NAA30: variants seen among roughly 807,000 people sequenced by gnomAD.
NAA30 encodes the protein N-alpha-acetyltransferase 30, NatC catalytic subunit.
NAA30 carries 5 observed loss-of-function variants against 31.4 expected under a neutral mutation model. That is an observed-to-expected ratio of 0.16 (90% CI 0.08 to 0.33). The LOEUF (loss-of-function observed/expected upper bound fraction) is 0.33. NAA30 is among the 10% of genes least tolerant of loss of function. The pLI is 1.00. For synonymous variants in NAA30, 222 were observed against 207.1 expected (o/e 1.07, Z -0.62); for missense variants, 428 against 490.8 (o/e 0.87, Z 1.21).
At chr14:57,408,708 T>C (rs1339137098) in intron 4 of NAA30, among the ~76,000 whole-genome samples, 1 of 152,200 alleles carries the variant, frequency 6.6e-6, no homozygotes, top group East Asian at 1.9e-4. Flanking sequence ...CAGCAAACTT[T>C]CTTGGTAAAA....
At position 57,413,911 on chromosome 14, in the gene NAA30, T is replaced by C. The variant is rs969563924; in HGVS notation, c.*4395T>C. 6 of 152,254 alleles carry C rather than the reference T, an allele frequency of 3.9e-5. No individual in the cohort carries two copies. Among genetic ancestry groups the C allele is most frequent in the African/African-American group, 1.4e-4 (6 of 41,454 alleles). 9.4% of individuals were successfully genotyped at this position (152,254 alleles called of 1,614,324 possible). A position where few individuals can be genotyped will look rare whatever the true frequency, so the allele number is the denominator to read the frequency against. ...GTCACACTTTATATAAGGATAGATG[T>C]GTCCTTTTCACTCCCCAGTATGGTA... On this transcript the variant is annotated 3_prime_UTR_variant, in exon 5 of 5. Transcript: ENST00000556492.
intron 4 of NAA30, 121 bp downstream of exon 4, chr14:57,400,004 G>T: frequency 2.0e-6 from 1 of 488,122 alleles, no homozygotes; most frequent in Non-Finnish European, 3.6e-6. Context: ...AATGCAGCTT[G>T]TGGGGAAAAT....
chr14:57,406,696 T>A (rs2066499499), intron 4 of NAA30, among the ~76,000 whole-genome samples: 1 of 152,214 alleles, frequency 6.6e-6, no homozygotes, highest in Non-Finnish European at 1.5e-5. Context: ...TGTTGTGACT[T>A]TAGTGTTTCT....
Position 57,391,179 on chromosome 14 carries a change from C to T in NAA30, c.222C>T (p.Cys74=), listed in dbSNP as rs1337472857. ...CCAAGGGGCATCCGTGCCTCCGCTG[C>T]CCTCAGCCGCCGCAGGAGCAGCAGC... The part of the protein sequence containing the change: ...VAAKGHPCLR[C]PQPPQEQQQL... The change falls in exon 2 of 5, where the codon TGC becomes TGT. Residue 74 remains cysteine (C), a synonymous_variant. Coordinates refer to ENST00000556492, the MANE Select transcript of NAA30 (RefSeq NM_001011713.3). This position sits in a 1 kb window ranked among gnomAD's most constrained non-coding sequence, Gnocchi z 4.1. 9.3e-6 allele frequency: 15 copies of T among 1,610,058 alleles called. No individual in the cohort carries two copies. Among genetic ancestry groups the T allele is most frequent in the African/African-American group, 1.3e-5 (1 of 74,906 alleles).
intron 4 of NAA30, among the ~76,000 whole-genome samples, chr14:57,402,520 G>T (rs1273912323): frequency 1.3e-5 from 2 of 152,056 alleles, no homozygotes; most frequent in African/African-American, 4.8e-5. Context: ...TTATTAACTT[G>T]TCTTTCTCTC....
At chr14:57,405,323 A>G (rs1594753064) in intron 4 of NAA30, among the ~76,000 whole-genome samples, 3 of 152,032 alleles carry the variant, frequency 2.0e-5, no homozygotes, top group Admixed American at 2.0e-4. Context: ...GAAAAGGTAC[A>G]GTCATTCTTT....
At position 57,414,244 on chromosome 14, in the gene NAA30, TAACAC is replaced by T. The variant is rs1461917971; in HGVS notation, c.*4732_*4736del. The T allele has an allele frequency of 6.6e-6, 1 of 152,208 alleles. No homozygotes were observed. Among genetic ancestry groups the T allele is most frequent in the Non-Finnish European group, 1.5e-5 (1 of 68,038 alleles). 9.4% of individuals were successfully genotyped at this position (152,208 alleles called of 1,614,324 possible). A position where few individuals can be genotyped will look rare whatever the true frequency, so the allele number is the denominator to read the frequency against. ...ACTGTTTCTGAAAAATCTTTTAAAATAACACAACTAAAAATTACCTCTGAGCAAGA... is the reference window on the plus strand; with the variant it reads ...ACTGTTTCTGAAAAATCTTTTAAAATAACTAAAAATTACCTCTGAGCAAGA... On this transcript the variant is annotated 3_prime_UTR_variant, in exon 5 of 5. Transcript: ENST00000556492.
intron 4 of NAA30, among the ~76,000 whole-genome samples, chr14:57,400,654 A>G (rs1362021560): frequency 6.6e-6 from 1 of 152,220 alleles, no homozygotes; most frequent in Non-Finnish European, 1.5e-5. Flanking sequence ...TTCTCAAAAT[A>G]TGTGAAATTG....
In NAA30 at chr14:57,412,008, C is replaced by T. The variant is rs2066525496; in HGVS notation, c.*2492C>T. ...TAGGACTGACTGTACTATCCACTGACACTGGTTTGGCAGTTGGTACTGCTG... is the reference window on the plus strand; with the variant it reads ...TAGGACTGACTGTACTATCCACTGATACTGGTTTGGCAGTTGGTACTGCTG... On this transcript the variant is annotated 3_prime_UTR_variant, in exon 5 of 5. Coordinates refer to ENST00000556492, the MANE Select transcript of NAA30 (RefSeq NM_001011713.3). 1 of 152,134 alleles carries T rather than the reference C, an allele frequency of 6.6e-6. No individual in the cohort carries two copies. Among genetic ancestry groups the T allele is most frequent in the Non-Finnish European group, 1.5e-5 (1 of 68,000 alleles). The allele number at this position is 152,134 out of a possible 1,614,324, so 9.4% of individuals were successfully genotyped here. A position where few individuals can be genotyped will look rare whatever the true frequency, so the allele number is the denominator to read the frequency against.
At chr14:57,408,705 C>A (rs1315949676) in intron 4 of NAA30, among the ~76,000 whole-genome samples, 1 of 152,174 alleles carries the variant, frequency 6.6e-6, no homozygotes, top group East Asian at 1.9e-4. Context: ...ATTCAGCAAA[C>A]TTTCTTGGTA....
rs2066430076 is a variant in NAA30 at position 57,391,969 on chromosome 14, C to T, written c.771+241C>T. 6.6e-6 allele frequency among the ~76,000 whole-genome samples: 1 copy of T among 152,036 alleles called. No homozygotes were observed. The highest frequency in any genetic ancestry group is 1.5e-5 in the Non-Finnish European group (1 of 67,926). On this transcript the variant is annotated intron_variant, in intron 2 of 4. Coordinates refer to ENST00000556492, the MANE Select transcript of NAA30 (RefSeq NM_001011713.3). The surrounding 1 kb of genome is among the most constrained non-coding windows in gnomAD (Gnocchi z 4.1). ...AGCAAGCCTGTATGGTGGCGTGTTTCACTGGGGTGGGGGTCTTGTGTCTTG... is the reference window on the plus strand; with the variant it reads ...AGCAAGCCTGTATGGTGGCGTGTTTTACTGGGGTGGGGGTCTTGTGTCTTG...
chr14:57,395,909 C>G (rs996159409), intron 2 of NAA30, among the ~76,000 whole-genome samples: 3 of 152,086 alleles, frequency 2.0e-5, no homozygotes, highest in Non-Finnish European at 2.9e-5. Flanking sequence ...TGATCGAAAT[C>G]TACCATTCAG....
intron 2 of NAA30, among the ~76,000 whole-genome samples, chr14:57,392,103 A>C (rs1249111046): frequency 6.6e-6 from 1 of 152,234 alleles, no homozygotes; most frequent in Non-Finnish European, 1.5e-5. Flanking sequence ...TACAGGCCTT[A>C]TTAGTCTCTC....
Position 57,410,007 on chromosome 14 carries a change from C to A in NAA30, c.*491C>A, listed in dbSNP as rs1418846572. 1.3e-5 allele frequency: 2 copies of A among 152,402 alleles called. No individual in the cohort carries two copies. The highest frequency in any genetic ancestry group is 6.6e-5 in the Admixed American group (1 of 15,234). 9.4% of individuals were successfully genotyped at this position (152,402 alleles called of 1,614,324 possible). On this transcript the variant is annotated 3_prime_UTR_variant, in exon 5 of 5. Transcript: ENST00000556492. ...AATTTTCCATTCTTGAATATTGGTA[C>A]CTCAGTGATTAGTGAATGAAAAAAA...
intron 2 of NAA30, 48 bp from the exon 3 acceptor site, chr14:57,396,703 CA>C: frequency 6.2e-7 from 1 of 1,603,672 alleles, no homozygotes; most frequent in South Asian, 1.1e-5. Context: ...GATAATTGTG[CA>C]GTACCTGATG....
chr14:57,392,894 A>C (rs2066436025), intron 2 of NAA30, among the ~76,000 whole-genome samples: 1 of 152,184 alleles, frequency 6.6e-6, no homozygotes, highest in South Asian at 2.1e-4. Context: ...TTCTGTCTTA[A>C]CTTGCTTAAA....
intron 2 of NAA30, among the ~76,000 whole-genome samples, chr14:57,394,573 A>T (rs556383495): frequency 6.6e-6 from 1 of 152,256 alleles, no homozygotes; most frequent in East Asian, 1.9e-4. Flanking sequence ...AAAATGCAGC[A>T]TTGGTCTTCA....
In NAA30 at chr14:57,391,786, A is replaced by G; in HGVS notation, c.771+58A>G. On this transcript the variant is annotated intron_variant, in intron 2 of 4. Coordinates refer to ENST00000556492, the MANE Select transcript of NAA30 (RefSeq NM_001011713.3). This position sits in a 1 kb window ranked among gnomAD's most constrained non-coding sequence, Gnocchi z 4.1. ...AGCAGTGATCGAGACTGTGCGGGGC[A>G]GGGAGTGAGGGCCCAGAATGTGGCA... The G allele has an allele frequency of 7.2e-7, 1 of 1,390,058 alleles. No homozygotes were observed. Among genetic ancestry groups the G allele is most frequent in the South Asian group, 1.3e-5 (1 of 74,250 alleles). The allele number at this position is 1,390,058 out of a possible 1,614,324, so 86.1% of individuals were successfully genotyped here.
At chr14:57,404,119 A>C (rs1229336837) in intron 4 of NAA30, among the ~76,000 whole-genome samples, 1 of 152,170 alleles carries the variant, frequency 6.6e-6, no homozygotes, top group Non-Finnish European at 1.5e-5. Flanking sequence ...CAGGAGTTCG[A>C]GACCAGCCTG....
Sources: allele counts gnomAD v4.1 joint callset (sites outside exome capture counted in the v4.1 genomes callset), GRCh38; gene constraint gnomAD v4.1.1; non-coding constraint Gnocchi (gnomAD v3.1); transcripts MANE v1.5; gene names NCBI Gene and HGNC (gene_info 2026-07-23, HGNC 2026-07-21).